PDE4D: variants seen among roughly 807,000 people sequenced by gnomAD.
PDE4D encodes 3',5'-cyclic-AMP phosphodiesterase 4D.
A neutral mutation model predicts 87.4 loss-of-function variants in PDE4D; 24 were observed. That is an observed-to-expected ratio of 0.27 (90% CI 0.20 to 0.39). The LOEUF (loss-of-function observed/expected upper bound fraction) is 0.39, where lower values mean the gene tolerates loss of function less well. Ranked by LOEUF, PDE4D falls within the 10% of genes least tolerant of loss-of-function variation. The probability of loss-of-function intolerance (pLI) is 1.00; values close to 1 mark genes in which losing one functional copy is unlikely to be tolerated. For missense variants in PDE4D, 714 were observed against 1,041.0 expected (o/e 0.69, Z 4.32); for synonymous variants, 384 against 383.2 (o/e 1.00, Z -0.02).
At chr5:59,149,752 AGAGTGACTACAAGT>A (rs1779214699) in intron 5 of PDE4D, among the ~76,000 whole-genome samples, 1 of 132,806 alleles carries the variant, frequency 7.5e-6, no homozygotes, top group Non-Finnish European at 1.5e-5. Flanking sequence ...TTTGGTACCA[AGAGTGACTACAAGT>A]GAGAATGGCT....
At chr5:59,853,808 G>A (rs1745022623) in intron 1 of PDE4D, among the ~76,000 whole-genome samples, 1 of 151,956 alleles carries the variant, frequency 6.6e-6, no homozygotes, top group African/African-American at 2.4e-5. Flanking sequence ...AAAATGACAT[G>A]CTATGTATAC....
intron 1 of PDE4D, among the ~76,000 whole-genome samples, chr5:59,230,924 T>G (rs1755037174): frequency 1.3e-5 from 2 of 152,200 alleles, no homozygotes; most frequent in Non-Finnish European, 2.9e-5. Flanking sequence ...GATAAGAATA[T>G]TATCTTACGA....
At chr5:58,994,187 C>CT (rs1748612972) in intron 6 of PDE4D, among the ~76,000 whole-genome samples, 1 of 152,234 alleles carries the variant, frequency 6.6e-6, no homozygotes, top group Admixed American at 6.5e-5. Flanking sequence ...TCCCAAGTCA[C>CT]TAAATAGGAA....
intron 1 of PDE4D, among the ~76,000 whole-genome samples, chr5:59,665,460 TGATCTAATCCACCTGA>T (rs911317115): frequency 6.6e-6 from 1 of 152,208 alleles, no homozygotes; most frequent in Non-Finnish European, 1.5e-5. Context: ...ATCCAAAAAG[TGATCTAATCCACCTGA>T]GGAAAAAGAC....
chr5:59,098,282 A>G (rs1349531436), intron 5 of PDE4D, among the ~76,000 whole-genome samples: 2 of 152,256 alleles, frequency 1.3e-5, no homozygotes, highest in African/African-American at 4.8e-5. Context: ...CCAATACTGC[A>G]AAGAGAAAAC....
At chr5:60,089,898 C>T (rs1450305223) in intron 2 of PDE4D, among the ~76,000 whole-genome samples, 2 of 149,312 alleles carry the variant, frequency 1.3e-5, no homozygotes, top group African/African-American at 2.4e-5. Context: ...AAAATTGATA[C>T]ACCAACAAAT....
chr5:59,051,740 C>T (rs577961338), intron 5 of PDE4D, among the ~76,000 whole-genome samples: 1 of 152,304 alleles, frequency 6.6e-6, no homozygotes, highest in South Asian at 2.1e-4. Flanking sequence ...CACACAACAA[C>T]TATCACCTCT....
At chr5:59,784,784 T>A (rs755261954) in intron 1 of PDE4D, among the ~76,000 whole-genome samples, 6 of 152,204 alleles carry the variant, frequency 3.9e-5, no homozygotes, top group Non-Finnish European at 7.3e-5. Context: ...TCCCATGTGT[T>A]GTGGGAGGGA....
chr5:59,239,682 T>C (rs1757253901), intron 1 of PDE4D, among the ~76,000 whole-genome samples: 1 of 152,142 alleles, frequency 6.6e-6, no homozygotes, highest in Non-Finnish European at 1.5e-5. Flanking sequence ...TAGTAAAAAA[T>C]ACTGATGCTT....
At chr5:59,308,363 G>T (rs1313195420) in intron 1 of PDE4D, among the ~76,000 whole-genome samples, 1 of 152,024 alleles carries the variant, frequency 6.6e-6, no homozygotes, top group African/African-American at 2.4e-5. Context: ...CTGTTTTGTT[G>T]TGTTTCCAGG....
intron 2 of PDE4D, among the ~76,000 whole-genome samples, chr5:60,077,608 T>G (rs1017524503): frequency 2.6e-5 from 4 of 152,138 alleles, no homozygotes; most frequent in Admixed American, 2.6e-4. Flanking sequence ...AGGACCTCCC[T>G]GCAGAGTTCA....
At chr5:59,339,523 CA>C (rs1262657771) in intron 1 of PDE4D, among the ~76,000 whole-genome samples, 1 of 152,206 alleles carries the variant, frequency 6.6e-6, no homozygotes, top group Non-Finnish European at 1.5e-5. Context: ...TAGCAATTCT[CA>C]GTGCCTTTAA....
At chr5:59,036,988 G>C (rs1205356972) in intron 6 of PDE4D, among the ~76,000 whole-genome samples, 2 of 150,324 alleles carry the variant, frequency 1.3e-5, no homozygotes, top group Non-Finnish European at 2.9e-5. Flanking sequence ...GTCTAATCTG[G>C]GGCCTTCATA....
At chr5:59,111,678 C>A (rs531315359) in intron 5 of PDE4D, among the ~76,000 whole-genome samples, 7 of 152,318 alleles carry the variant, frequency 4.6e-5, no homozygotes, top group African/African-American at 1.7e-4. Context: ...AGACAGAGAC[C>A]AAAGCCACAG....
chr5:59,703,487 C>A, intron 1 of PDE4D: 1 of 513,764 alleles, frequency 1.9e-6, no homozygotes. Context: ...TACAGCATTA[C>A]AAATTGATGA....
intron 1 of PDE4D, among the ~76,000 whole-genome samples, chr5:59,632,788 C>A (rs1831736959): frequency 6.6e-6 from 1 of 152,094 alleles, no homozygotes; most frequent in African/African-American, 2.4e-5. Context: ...AAAACCAGTG[C>A]AAAAAGGATG....
chr5:60,194,685 T>C (rs1740998567), intron 1 of PDE4D, among the ~76,000 whole-genome samples: 1 of 151,586 alleles, frequency 6.6e-6, no homozygotes, highest in South Asian at 2.1e-4. Flanking sequence ...GATAATCCAC[T>C]AGTTTTCATT....
At chr5:60,166,424 A>T (rs1782907592) in intron 2 of PDE4D, among the ~76,000 whole-genome samples, 1 of 152,242 alleles carries the variant, frequency 6.6e-6, no homozygotes, top group African/African-American at 2.4e-5. Flanking sequence ...AAAAACTCTA[A>T]ACTTTTACCT....
At chr5:59,947,423 C>A (rs1757838906) in intron 3 of PDE4D, among the ~76,000 whole-genome samples, 1 of 152,126 alleles carries the variant, frequency 6.6e-6, no homozygotes, top group African/African-American at 2.4e-5. Context: ...GGGGAGGTAG[C>A]TCTCAGGAGC....
Sources: allele counts gnomAD v4.1 joint callset (sites outside exome capture counted in the v4.1 genomes callset), GRCh38; gene constraint gnomAD v4.1.1; transcripts MANE v1.5; gene names NCBI Gene and HGNC (gene_info 2026-07-23, HGNC 2026-07-21).